The following GAB2 variants were observed in gnomAD, a reference collection of about 807,000 sequenced individuals.
The protein encoded by GAB2 is GRB2 associated binding protein 2, also known as GRB2-associated-binding protein 2.
In GAB2, 26 loss-of-function variants were observed where a neutral mutation model predicts 65.5. That is an observed-to-expected ratio of 0.40 (90% CI 0.29 to 0.55). GAB2 has a LOEUF of 0.55. GAB2 is among the 20% of genes least tolerant of loss of function. The pLI, the probability that GAB2 is intolerant of heterozygous loss-of-function variation, is 0.53. For missense variants in GAB2, 884 were observed against 875.8 expected (o/e 1.01, Z -0.12); for synonymous variants, 321 against 329.6 (o/e 0.97, Z 0.28).
intron 1 of GAB2, among the ~76,000 whole-genome samples, chr11:78,301,257 T>A (rs1194261261): frequency 6.6e-6 from 1 of 152,202 alleles, no homozygotes; most frequent in Non-Finnish European, 1.5e-5. Flanking sequence ...CTTTTCTTTT[T>A]TGGAATTTAA....
intron 1 of GAB2, among the ~76,000 whole-genome samples, chr11:78,309,947 TG>T (rs1565153834): frequency 7.1e-6 from 1 of 140,128 alleles, no homozygotes; most frequent in Non-Finnish European, 1.5e-5. Context: ...TGTGTGTGTG[TG>T]TGTGTGTGTG....
At chr11:78,285,735 G>A (rs1461724442) in intron 1 of GAB2, among the ~76,000 whole-genome samples, 1 of 152,178 alleles carries the variant, frequency 6.6e-6, no homozygotes, top group Non-Finnish European at 1.5e-5. Flanking sequence ...CCAAAGTGCT[G>A]GGATTACAGG....
chr11:78,272,082 C>G (rs2134567849), intron 2 of GAB2, among the ~76,000 whole-genome samples: 1 of 152,352 alleles, frequency 6.6e-6, no homozygotes, highest in South Asian at 2.1e-4. Context: ...GGAACTGTAA[C>G]TCCATTATGT....
chr11:78,417,704 T>A lies in GAB2; in HGVS notation c.17A>T (p.Asp6Val). MSGGGDVVCTGWLRKS... is the reference protein window; with the variant it reads MSGGGVVVCTGWLRKS... ...CCTCAGCCAGCCGGTGCACACCACG[T>A]CGCCGCCGCCGCTCATGCTGCCGGC... is the stretch of plus-strand genomic sequence containing the variant. The change falls in exon 1 of 10, where the codon GAC becomes GTC. Residue 6 changes from aspartate (D) to valine (V), a missense_variant. Coordinates refer to ENST00000361507, the MANE Select transcript of GAB2 (RefSeq NM_080491.3). The A allele has an allele frequency of 7.4e-7, 1 of 1,344,646 alleles. No individual in the cohort carries two copies. Among genetic ancestry groups the A allele is most frequent in the Non-Finnish European group, 9.8e-7 (1 of 1,022,122 alleles). The allele number at this position is 1,344,646 out of a possible 1,614,324, so 83.3% of individuals were successfully genotyped here. A position where few individuals can be genotyped will look rare whatever the true frequency, so the allele number is the denominator to read the frequency against.
chr11:78,287,799 C>A (rs1200751331), intron 1 of GAB2, among the ~76,000 whole-genome samples: 3 of 141,382 alleles, frequency 2.1e-5, no homozygotes, highest in Non-Finnish European at 4.6e-5. Context: ...CAGGTGTGCA[C>A]TGCCACACTG....
chr11:78,227,010 A>G lies in GAB2; in HGVS notation c.662T>C (p.Met221Thr). Residue 221 changes from methionine to threonine, a missense_variant, in exon 4 of 10, where the codon ATG (methionine) becomes ACG (threonine). Met to Thr is a moderately conservative substitution (Grantham distance 81). Coordinates refer to ENST00000361507, the MANE Select transcript of GAB2 (RefSeq NM_080491.3). ...FSQGTRASFLMRSDTAVQKLA... is the reference protein window; with the variant it reads ...FSQGTRASFLTRSDTAVQKLA... ...TTTTTGTACAGCTGTGTCACTCCTCATGAGAAAAGAGGCTCTGGTGCCCTG... is the reference window on the plus strand; with the variant it reads ...TTTTTGTACAGCTGTGTCACTCCTCGTGAGAAAAGAGGCTCTGGTGCCCTG... 1 of 1,613,254 alleles carries G rather than the reference A, an allele frequency of 6.2e-7. No individual in the cohort carries two copies. Among genetic ancestry groups the G allele is most frequent in the Non-Finnish European group, 8.5e-7 (1 of 1,179,784 alleles).
chr11:78,381,088 T>G (rs1278008793), intron 1 of GAB2, among the ~76,000 whole-genome samples: 1 of 152,234 alleles, frequency 6.6e-6, no homozygotes, highest in Non-Finnish European at 1.5e-5. Context: ...AATCGTATTT[T>G]CTGAATCTCA....
chr11:78,291,719 C>G (rs558931031), intron 1 of GAB2, among the ~76,000 whole-genome samples: 7 of 148,236 alleles, frequency 4.7e-5, no homozygotes, highest in African/African-American at 1.8e-4. Context: ...TCACAGGATG[C>G]GCCATCATAC....
At chr11:78,412,031 A>AAACAACAACAACAACAACAACAACAAC (rs373083805) in intron 1 of GAB2, among the ~76,000 whole-genome samples, 6 of 150,646 alleles carry the variant, frequency 4.0e-5, no homozygotes, top group African/African-American at 1.5e-4. Context: ...ATCTGTCTAA[A>AAACAACAACAACAACAACAACAACAAC]AACAACAACA....
chr11:78,270,562 T>C (rs1042463105), intron 2 of GAB2, among the ~76,000 whole-genome samples: 1 of 152,206 alleles, frequency 6.6e-6, no homozygotes, highest in Non-Finnish European at 1.5e-5. Flanking sequence ...TTAGTGCCTT[T>C]AAGCCTTAGT....
At chr11:78,377,271 G>T (rs1856643197) in intron 1 of GAB2, among the ~76,000 whole-genome samples, 1 of 152,224 alleles carries the variant, frequency 6.6e-6, no homozygotes, top group African/African-American at 2.4e-5. Context: ...GAACTAGTAG[G>T]TCCAGTGTCT....
At chr11:78,260,737 G>A (rs1331780365) in intron 2 of GAB2, among the ~76,000 whole-genome samples, 1 of 152,194 alleles carries the variant, frequency 6.6e-6, no homozygotes, top group Non-Finnish European at 1.5e-5. Flanking sequence ...CTCCCAAAGT[G>A]CTGGGATTAC....
intron 1 of GAB2, among the ~76,000 whole-genome samples, chr11:78,321,567 G>A (rs562443995): frequency 6.6e-6 from 1 of 152,260 alleles, no homozygotes; most frequent in South Asian, 2.1e-4. Context: ...AGTTCACACT[G>A]CATTTCCTCT....
intron 1 of GAB2, among the ~76,000 whole-genome samples, chr11:78,281,813 C>T (rs1322434249): frequency 6.6e-6 from 1 of 152,192 alleles, no homozygotes; most frequent in Non-Finnish European, 1.5e-5. Context: ...GAATACAGAT[C>T]CAAACTCACA....
In GAB2 at chr11:78,363,585, T is replaced by A. The variant is rs1225316381; in HGVS notation, c.75+54061A>T. 4.6e-4 allele frequency among the ~76,000 whole-genome samples: 69 copies of A among 150,328 alleles called. 1 individual carries two copies. The highest frequency in any genetic ancestry group is 1.6e-3 in the African/African-American group (66 of 40,056). On this transcript the variant is annotated intron_variant, in intron 1 of 9. Coordinates refer to ENST00000361507, the MANE Select transcript of GAB2 (RefSeq NM_080491.3). The stretch of plus-strand genomic sequence containing the variant: ...GTAAAAGATAAATAGAAATATATTT[T>A]CTTTTTTTTTTTTTTTTGAGACAGG...
At chr11:78,330,618 GC>G (rs1855898818) in intron 1 of GAB2, among the ~76,000 whole-genome samples, 1 of 152,102 alleles carries the variant, frequency 6.6e-6, no homozygotes, top group South Asian at 2.1e-4. Context: ...TGGAGAAAAG[GC>G]TTACTCTTAG....
chr11:78,299,229 C>G (rs1866923819), intron 1 of GAB2, among the ~76,000 whole-genome samples: 1 of 152,190 alleles, frequency 6.6e-6, no homozygotes, highest in African/African-American at 2.4e-5. Context: ...GTTGTGATTC[C>G]AGCTGTCTTT....
chr11:78,244,400 G>GA (rs1203478600), intron 3 of GAB2, among the ~76,000 whole-genome samples: 66 of 141,822 alleles, frequency 4.7e-4, no homozygotes, highest in South Asian at 1.8e-3. Flanking sequence ...TCAAAAGAAA[G>GA]AAAAAAAAAA....
chr11:78,364,553 A>G (rs1457231478), intron 1 of GAB2, among the ~76,000 whole-genome samples: 1 of 152,184 alleles, frequency 6.6e-6, no homozygotes, highest in Non-Finnish European at 1.5e-5. Context: ...TGATTTCATC[A>G]CCTACGAATA....
Sources: gnomAD v4.1 joint callset for allele counts (sites outside exome capture counted in the v4.1 genomes callset) on GRCh38, gnomAD v4.1.1 for gene constraint, MANE v1.5 for transcripts, NCBI Gene and HGNC (gene_info 2026-07-23, HGNC 2026-07-21) for gene names.